The following ITPR3 variants were observed in gnomAD, a reference collection of about 807,000 sequenced individuals.
ITPR3 encodes inositol 1,4,5-trisphosphate-gated calcium channel ITPR3.
Under a neutral mutation model 293.2 loss-of-function variants are expected in ITPR3, and 173 were observed. That is an observed-to-expected ratio of 0.59 (90% CI 0.52 to 0.67). ITPR3 has a LOEUF of 0.67. ITPR3 is among the 30% of genes least tolerant of loss of function. The probability of loss-of-function intolerance (pLI) is 0.00; values close to 1 mark genes in which losing one functional copy is unlikely to be tolerated. For synonymous variants in ITPR3, 1,295 were observed against 1,444.4 expected (o/e 0.90, Z 2.35); for missense variants, 2,796 against 3,592.1 (o/e 0.78, Z 5.66).
At chr6:33,629,455 T>TCA (rs35259603) in intron 1 of ITPR3, among the ~76,000 whole-genome samples, 129,955 of 151,212 alleles carry the variant, frequency 0.86, 55,927 homozygotes, top group East Asian at 0.96. Context: ...GGGCCCAGGT[T>TCA]GTCTGTGTTT....
At chr6:33,636,263 C>G (rs888527017) in intron 1 of ITPR3, among the ~76,000 whole-genome samples, 1 of 151,758 alleles carries the variant, frequency 6.6e-6, no homozygotes, top group Non-Finnish European at 1.5e-5. Flanking sequence ...GATCATGCCA[C>G]TGCACTCCAG....
chr6:33,687,173 G>A lies in ITPR3; in HGVS notation c.6076-53G>A. The A allele has an allele frequency of 6.3e-7, 1 of 1,588,006 alleles. No homozygotes were observed. On this transcript the variant is annotated intron_variant, in intron 44 of 57. Transcript: ENST00000605930. This position sits in a 1 kb window ranked among gnomAD's most constrained non-coding sequence, Gnocchi z 5.3. Reference sequence around the variant, plus strand: ...GTGTTGGGATGGGGATGAGGGCCCGGCTGGCCCTACCGCCCTAGGAAGAGA... The same window carrying A: ...GTGTTGGGATGGGGATGAGGGCCCGACTGGCCCTACCGCCCTAGGAAGAGA...
At chr6:33,660,299 G>A (rs909490513) in intron 7 of ITPR3, among the ~76,000 whole-genome samples, 1 of 151,982 alleles carries the variant, frequency 6.6e-6, no homozygotes, top group African/African-American at 2.4e-5. Flanking sequence ...CCTGTTAGAG[G>A]GACAGGTGAC....
In ITPR3 at chr6:33,674,959, A is replaced by T. The variant is rs555396061; in HGVS notation, c.3116+694A>T. ...TGATGTGAAAACATCTGTTATATTT[A>T]TTGGTGACAGACTTACAGGTGCCAC... On this transcript the variant is annotated intron_variant, in intron 24 of 57. Coordinates refer to ENST00000605930, the MANE Select transcript of ITPR3 (RefSeq NM_002224.4). Among the ~76,000 whole-genome samples, 9 of 152,344 alleles carry T rather than the reference A, an allele frequency of 5.9e-5. No individual in the cohort carries two copies. The East Asian group carries it at 1.7e-3, about 29-fold the overall frequency.
Position 33,671,047 on chromosome 6 carries a change from C to T in ITPR3, c.2587-118C>T, listed in dbSNP as rs1764747383. 26 of 1,505,556 alleles carry T rather than the reference C, an allele frequency of 1.7e-5. No homozygotes were observed. In the South Asian group the frequency reaches 3.0e-4, roughly 17 times the overall value. 93.3% of individuals were successfully genotyped at this position (1,505,556 alleles called of 1,614,324 possible). On this transcript the variant is annotated intron_variant, in intron 20 of 57. Transcript: ENST00000605930. Reference sequence around the variant, plus strand: ...CCTGCTCCGCTCTCCCTCCTGGGAACCCCGTCCTCATGACGCCCCTTTCGC... The same window carrying T: ...CCTGCTCCGCTCTCCCTCCTGGGAATCCCGTCCTCATGACGCCCCTTTCGC...
Position 33,659,003 on chromosome 6 carries a change from T to G in ITPR3, c.529-18T>G. The G allele has an allele frequency of 2.5e-6, 4 of 1,612,790 alleles. No homozygotes were observed. Among genetic ancestry groups the G allele is most frequent in the Non-Finnish European group, 2.5e-6 (3 of 1,178,844 alleles). ...GGCCCTGCCCTTCCCACCTAACCTG[T>G]CCCACCTGTCTGCTCAGGTGGTCGT... On this transcript the variant is annotated intron_variant, in intron 5 of 57. Coordinates refer to ENST00000605930, the MANE Select transcript of ITPR3 (RefSeq NM_002224.4).
Position 33,691,750 on chromosome 6 carries a change from T to A in ITPR3, c.7330+31T>A. ...GGTGGTGTGTGTGCAGGAGTCTGTG[T>A]GGGGTAGGAGGAGCAGGCAGCCCGG... On this transcript the variant is annotated intron_variant, in intron 53 of 57. Coordinates refer to ENST00000605930, the MANE Select transcript of ITPR3 (RefSeq NM_002224.4). The surrounding 1 kb of genome is among the most constrained non-coding windows in gnomAD (Gnocchi z 4.9). The A allele has an allele frequency of 6.2e-7, 1 of 1,610,908 alleles. No individual in the cohort carries two copies. The highest frequency in any genetic ancestry group is 1.1e-5 in the South Asian group (1 of 90,690).
chr6:33,651,869 G>C (rs979276350), intron 2 of ITPR3, among the ~76,000 whole-genome samples: 4 of 152,204 alleles, frequency 2.6e-5, no homozygotes, highest in Admixed American at 2.6e-4. Context: ...TCCTCATGCC[G>C]TTTTAAGCAG....
chr6:33,653,984 T>C (rs1400156368), intron 2 of ITPR3, among the ~76,000 whole-genome samples: 1 of 152,310 alleles, frequency 6.6e-6, no homozygotes, highest in East Asian at 1.9e-4. Context: ...AGATGCACTC[T>C]CTGCCGGGCG....
In ITPR3 at chr6:33,691,644, G is replaced by C; in HGVS notation, c.7255G>C (p.Ala2419Pro). ...ASPLGMPHGAAAFVDTCSGDK... is the reference protein window; with the variant it reads ...ASPLGMPHGAPAFVDTCSGDK... ...CCCCCTGGGGATGCCACATGGAGCT[G>C]CTGCATTTGTGGACACCTGCAGTGG... Residue 2419 changes from alanine to proline, a missense_variant, in exon 53 of 58, where the codon GCT (alanine) becomes CCT (proline). By Grantham distance (27) the Ala-to-Pro change is conservative. This residue lies in a region of ITPR3 where 568 missense variants were observed against 796.1 expected (regional missense o/e 0.71). Transcript: ENST00000605930. The surrounding 1 kb of genome is among the most constrained non-coding windows in gnomAD (Gnocchi z 4.9). 6.2e-7 allele frequency: 1 copy of C among 1,614,086 alleles called. No individual in the cohort carries two copies. Among genetic ancestry groups the C allele is most frequent in the Non-Finnish European group, 8.5e-7 (1 of 1,179,982 alleles).
At chr6:33,637,470 CTTGT>C (rs1434609361) in intron 1 of ITPR3, among the ~76,000 whole-genome samples, 3 of 152,090 alleles carry the variant, frequency 2.0e-5, no homozygotes, top group Non-Finnish European at 2.9e-5. Context: ...TTTTTGTTTG[CTTGT>C]TTGTTTGTTT....
chr6:33,692,813 TA>T lies in ITPR3; in HGVS notation c.7546del (p.Ile2516SerfsTer62). Reference protein sequence around the residue: ...IIIVLNLIFGVIIDTFADLRS... With the variant: ...IIIVLNLIFGXIIDTFADLRS... ...ATTGTGCTGAACCTCATCTTTGGGGTAATCATCGACACCTTCGCTGACCTGC... is the reference window on the plus strand; with the variant it reads ...ATTGTGCTGAACCTCATCTTTGGGGTATCATCGACACCTTCGCTGACCTGC... On this transcript the variant is annotated frameshift_variant, in exon 55 of 58. Transcript: ENST00000605930. LOFTEE classifies it high-confidence loss of function. The surrounding 1 kb of genome is among the most constrained non-coding windows in gnomAD (Gnocchi z 4.2). 2.5e-6 allele frequency: 4 copies of T among 1,614,050 alleles called. No homozygotes were observed. Among genetic ancestry groups the T allele is most frequent in the Non-Finnish European group, 3.4e-6 (4 of 1,180,000 alleles).
intron 51 of ITPR3, 123 bp from the exon 52 acceptor site, chr6:33,690,794 C>A: frequency 1.1e-6 from 1 of 870,450 alleles, no homozygotes; most frequent in Non-Finnish European, 1.8e-6. Flanking sequence ...GCAGACCTCC[C>A]TGGAGGAGCC....
Position 33,678,639 on chromosome 6 carries a change from C to A in ITPR3, c.3772C>A (p.Leu1258Ile). Residue 1258 changes from leucine (L) to isoleucine (I), a missense_variant and splice_region_variant, in exon 30 of 58, where the codon CTC becomes ATC. Leu to Ile is a conservative substitution (Grantham distance 5). Coordinates refer to ENST00000605930, the MANE Select transcript of ITPR3 (RefSeq NM_002224.4). ...KHLHLFLTPG[L>I]LEAETMQHIF... ...TTCTGACAGATGCCCCCCACTGCAG[C>A]TCCTGGAGGCAGAGACCATGCAGCA... is the stretch of plus-strand genomic sequence containing the variant. 2 of 1,611,652 alleles carry A rather than the reference C, an allele frequency of 1.2e-6. No individual in the cohort carries two copies. Among genetic ancestry groups the A allele is most frequent in the Non-Finnish European group, 1.7e-6 (2 of 1,179,390 alleles).
chr6:33,655,919 C>T lies in ITPR3; in HGVS notation c.282+32C>T, dbSNP rs904632803. ...GTGTGTGTGCAGGCGTGCATCTGTGCACATGTACCAGGAACCTGGGTACAC... is the reference window on the plus strand; with the variant it reads ...GTGTGTGTGCAGGCGTGCATCTGTGTACATGTACCAGGAACCTGGGTACAC... On this transcript the variant is annotated intron_variant, in intron 3 of 57. Coordinates refer to ENST00000605930, the MANE Select transcript of ITPR3 (RefSeq NM_002224.4). This position sits in a 1 kb window ranked among gnomAD's most constrained non-coding sequence, Gnocchi z 4.9. The T allele has an allele frequency of 3.1e-6, 5 of 1,612,224 alleles. No individual in the cohort carries two copies. The highest frequency in any genetic ancestry group is 1.7e-6 in the Non-Finnish European group (2 of 1,178,842).
chr6:33,688,461 G>A lies in ITPR3; in HGVS notation c.6568+30G>A, dbSNP rs112775131. The stretch of plus-strand genomic sequence containing the variant: ...GGACCCACGGGCGGGAGGGTGGGGC[G>A]GTCTGGAGCTGTTCACTGATGCCCT... On this transcript the variant is annotated intron_variant, in intron 48 of 57. Transcript: ENST00000605930. The A allele has an allele frequency of 2.8e-3, 4,190 of 1,470,528 alleles. 77 individuals are homozygous for A. Among genetic ancestry groups the A allele is most frequent in the South Asian group, 0.028 (2,077 of 73,196 alleles). 91.1% of individuals were successfully genotyped at this position (1,470,528 alleles called of 1,614,324 possible).
In ITPR3 at chr6:33,678,877, G is replaced by T. The variant is rs772765951; in HGVS notation, c.3972+38G>T. The T allele has an allele frequency of 1.1e-5, 17 of 1,581,544 alleles. No individual in the cohort carries two copies. In the East Asian group the frequency reaches 3.4e-4, roughly 32 times the overall value. On this transcript the variant is annotated intron_variant, in intron 30 of 57. Coordinates refer to ENST00000605930, the MANE Select transcript of ITPR3 (RefSeq NM_002224.4). ...CTGAGGGGTGCTCAGGCATCTTGGG[G>T]TGGGGGACCGGAGCAGAGGCTTGGC...
Position 33,633,547 on chromosome 6 carries a change from G to A in ITPR3, c.90-6937G>A, listed in dbSNP as rs914534762. ...CCGGGGCCGCCCTCCGCGGGCAGACGAGCGGGGGAGAGCAGGAAAGCGCGG... is the reference window on the plus strand; with the variant it reads ...CCGGGGCCGCCCTCCGCGGGCAGACAAGCGGGGGAGAGCAGGAAAGCGCGG... On this transcript the variant is annotated intron_variant, in intron 1 of 57. Transcript: ENST00000605930. The surrounding 1 kb of genome is among the most constrained non-coding windows in gnomAD (Gnocchi z 5.2). Among the ~76,000 whole-genome samples, 9 of 152,106 alleles carry A rather than the reference G, an allele frequency of 5.9e-5. No individual in the cohort carries two copies. In the East Asian group the frequency reaches 1.7e-3, roughly 30 times the overall value.
intron 3 of ITPR3, 151 bp from the exon 4 acceptor site, chr6:33,657,781 G>A (rs1764346726): frequency 1.6e-6 from 1 of 626,694 alleles, no homozygotes; most frequent in Non-Finnish European, 2.9e-6. Flanking sequence ...AAGAGCTGGG[G>A]CAGGGGTCCA....
Sources: gnomAD v4.1 joint callset for allele counts (sites outside exome capture counted in the v4.1 genomes callset) on GRCh38, gnomAD v4.1.1 for gene constraint, gnomAD v4.1.1 regional missense constraint, Gnocchi (gnomAD v3.1) non-coding constraint, MANE v1.5 for transcripts, NCBI Gene and HGNC (gene_info 2026-07-23, HGNC 2026-07-21) for gene names.